The following FOXP2 variants were observed in gnomAD, a reference collection of about 807,000 sequenced individuals.
The protein encoded by FOXP2 is forkhead box protein P2.
In FOXP2, 12 loss-of-function variants were observed where a neutral mutation model predicts 115.8. The ratio of observed to expected loss-of-function variants is 0.10; its 90% CI spans 0.07 to 0.17. The LOEUF (loss-of-function observed/expected upper bound fraction) is 0.17. Among genes scored for constraint, FOXP2 ranks in the 10% least tolerant of loss-of-function variants. The pLI is 1.00. For synonymous variants in FOXP2, 328 were observed against 297.7 expected (o/e 1.10, Z -1.05); for missense variants, 629 against 843.5 (o/e 0.75, Z 3.15).
intron 1 of FOXP2, among the ~76,000 whole-genome samples, chr7:114,179,676 G>A (rs1793408037): frequency 6.6e-6 from 1 of 151,888 alleles, no homozygotes; most frequent in African/African-American, 2.4e-5. Flanking sequence ...CTTTAAAATG[G>A]TTGAACAATT....
rs80269307 is a variant in FOXP2, at chr7:114,290,896, A to G, written c.-11+2787A>G. Among the ~76,000 whole-genome samples, 2,679 of 152,276 alleles carry G rather than the reference A, an allele frequency of 0.018. 177 individuals are homozygous for G. The East Asian group carries it at 0.19, about 11-fold the overall frequency. ...TTGAGGATTAATTGTGTGAACACATAAAAAGGGCATAATGAACATTTAAAA... is the reference window on the plus strand; with the variant it reads ...TTGAGGATTAATTGTGTGAACACATGAAAAGGGCATAATGAACATTTAAAA... On this transcript the variant is annotated intron_variant, in intron 2 of 17. Coordinates refer to the FOXP2 transcript ENST00000634411.
At chr7:114,182,364 C>T (rs1728434) in intron 1 of FOXP2, among the ~76,000 whole-genome samples, 131,161 of 152,024 alleles carry the variant, frequency 0.86, 57,005 homozygotes, top group Non-Finnish European at 0.92. Context: ...CAGGTATGCA[C>T]GATGTCAAGG....
intron 3 of FOXP2, among the ~76,000 whole-genome samples, chr7:114,549,339 C>CT (rs986058841): frequency 1.3e-5 from 2 of 152,112 alleles, no homozygotes; most frequent in Non-Finnish European, 2.9e-5. Context: ...TACAAGGTCT[C>CT]TTTTTTCCCC....
chr7:114,160,904 GC>G (rs1339792418), upstream of FOXP2, among the ~76,000 whole-genome samples: 1 of 151,754 alleles, frequency 6.6e-6, no homozygotes, highest in Non-Finnish European at 1.5e-5. Flanking sequence ...GAAGAGTCTG[GC>G]ATACTCCTCT....
In FOXP2 at chr7:114,375,804, G is replaced by C. The variant is rs528931678; in HGVS notation, c.-10-50698G>C. 2.6e-5 allele frequency among the ~76,000 whole-genome samples: 4 copies of C among 152,254 alleles called. No individual in the cohort carries two copies. In the East Asian group the frequency reaches 7.7e-4, roughly 29 times the overall value. On this transcript the variant is annotated intron_variant, in intron 2 of 17. Transcript: ENST00000634411. ...GCTGGCTTCCAGGAGAGTGAAAACA[G>C]ACTGGAAAATCTGGGCTTAAAAGAC... is the stretch of plus-strand genomic sequence containing the variant.
chr7:114,122,574 G>C (rs138083075), intron 1 of FOXP2, among the ~76,000 whole-genome samples: 56 of 151,914 alleles, frequency 3.7e-4, no homozygotes, highest in Middle Eastern at 6.8e-3. Flanking sequence ...TCCTGAGTCA[G>C]AAATTCTGTT....
At chr7:114,192,168 G>A (rs1238672956) in intron 1 of FOXP2, among the ~76,000 whole-genome samples, 1 of 152,124 alleles carries the variant, frequency 6.6e-6, no homozygotes, top group East Asian at 1.9e-4. Flanking sequence ...TGTATTTGTA[G>A]TAGAGACGGG....
At chr7:114,518,223 A>G (rs1798439131) in intron 2 of FOXP2, among the ~76,000 whole-genome samples, 1 of 152,180 alleles carries the variant, frequency 6.6e-6, no homozygotes, top group Admixed American at 6.5e-5. Context: ...AATTAAAGTA[A>G]TATATTTCAA....
rs186747951 is a variant in FOXP2, at chr7:114,493,585, A to C, written c.169-41032A>C. 8.5e-4 allele frequency among the ~76,000 whole-genome samples: 130 copies of C among 152,258 alleles called. 1 individual carries two copies. Among genetic ancestry groups the C allele is most frequent in the African/African-American group, 2.8e-3 (117 of 41,550 alleles). Reference sequence around the variant, plus strand: ...ACAGAGATCAATATCATTTATGTACAAAACACTAAGTACATTTATACAGGG... The same window carrying C: ...ACAGAGATCAATATCATTTATGTACCAAACACTAAGTACATTTATACAGGG... On this transcript the variant is annotated intron_variant, in intron 2 of 16. Coordinates refer to ENST00000350908, the MANE Select transcript of FOXP2 (RefSeq NM_014491.4).
intron 7 of FOXP2, 80 bp downstream of exon 7, chr7:114,642,703 T>C: frequency 1.5e-6 from 2 of 1,314,072 alleles, no homozygotes; most frequent in Non-Finnish European, 2.2e-6. Flanking sequence ...AAAGAACAAT[T>C]TGTACTTGGA....
intron 2 of FOXP2, among the ~76,000 whole-genome samples, chr7:114,318,194 G>A (rs768997752): frequency 5.3e-5 from 8 of 152,028 alleles, no homozygotes; most frequent in African/African-American, 7.2e-5. Flanking sequence ...GACTGTTTGC[G>A]GAGTGATGCA....
chr7:114,152,785 G>T (rs747106441), intron 1 of FOXP2, among the ~76,000 whole-genome samples: 2 of 152,074 alleles, frequency 1.3e-5, no homozygotes, highest in East Asian at 3.9e-4. Context: ...GTCATTGACC[G>T]TAGGGTAGTT....
At chr7:114,475,116 A>T (rs1284193837) in intron 2 of FOXP2, among the ~76,000 whole-genome samples, 5 of 152,130 alleles carry the variant, frequency 3.3e-5, no homozygotes, top group Non-Finnish European at 7.4e-5. Flanking sequence ...CTTACAGAGT[A>T]CTAGAAATCA....
intron 2 of FOXP2, among the ~76,000 whole-genome samples, chr7:114,433,391 C>T (rs1270333103): frequency 1.3e-5 from 2 of 151,612 alleles, no homozygotes; most frequent in African/African-American, 4.8e-5. Flanking sequence ...CTAACACTTG[C>T]CATAGTCTTT....
chr7:114,466,765 G>A (rs1795814869), intron 2 of FOXP2, among the ~76,000 whole-genome samples: 1 of 152,106 alleles, frequency 6.6e-6, no homozygotes, highest in Admixed American at 6.6e-5. Flanking sequence ...TGTAACTAAT[G>A]TAACAAAAGG....
At chr7:114,148,781 T>A (rs1405428087) in intron 1 of FOXP2, among the ~76,000 whole-genome samples, 1 of 152,168 alleles carries the variant, frequency 6.6e-6, no homozygotes, top group Non-Finnish European at 1.5e-5. Context: ...TTTTTCTTCA[T>A]CAATCACAAA....
rs889157819 is a variant in FOXP2, at chr7:114,334,604, C to A, written c.-11+46495C>A. ...AGTTCTCAAGTTAGTGGAAAAAAAT[C>A]CATGTCCCTTTACTGGAGATTAAAA... On this transcript the variant is annotated intron_variant, in intron 2 of 17. Transcript: ENST00000634411. Among the ~76,000 whole-genome samples the A allele has an allele frequency of 4.0e-5, 6 of 149,228 alleles. No individual in the cohort carries two copies. The South Asian group carries it at 1.3e-3, about 32-fold the overall frequency.
intron 2 of FOXP2, among the ~76,000 whole-genome samples, chr7:114,462,445 C>T (rs1384021420): frequency 1.4e-5 from 2 of 138,414 alleles, no homozygotes; most frequent in Non-Finnish European, 3.1e-5. Context: ...TATCTCGGCT[C>T]ACTGCAACCT....
intron 1 of FOXP2, among the ~76,000 whole-genome samples, chr7:114,250,594 A>C (rs572138701): frequency 3.3e-5 from 5 of 152,128 alleles, no homozygotes; most frequent in South Asian, 4.2e-4. Flanking sequence ...TAAATGTCTT[A>C]TTTTGAGAAG....
Sources: allele counts gnomAD v4.1 joint callset (sites outside exome capture counted in the v4.1 genomes callset), GRCh38; gene constraint gnomAD v4.1.1; transcripts MANE v1.5; gene names NCBI Gene and HGNC (gene_info 2026-07-23, HGNC 2026-07-21).